MYO5A: variants seen among roughly 807,000 people sequenced by gnomAD.
MYO5A encodes the protein myosin VA.
MYO5A carries 98 observed loss-of-function variants against 249.7 expected under a neutral mutation model. The observed-to-expected ratio is 0.39, with a 90% CI of 0.33 to 0.46. The LOEUF (loss-of-function observed/expected upper bound fraction) is 0.46, where lower values mean the gene tolerates loss of function less well. MYO5A is among the 20% of genes least tolerant of loss of function. The probability of loss-of-function intolerance (pLI) is 0.98; values close to 1 mark genes in which losing one functional copy is unlikely to be tolerated. For synonymous variants in MYO5A, 778 were observed against 810.6 expected, an observed-to-expected ratio of 0.96 and a Z score of 0.68; for missense variants, 1,696 against 2,308.8, an observed-to-expected ratio of 0.73 and a Z score of 5.44.
chr15:52,354,093 A>G lies in MYO5A; in HGVS notation c.3424-79T>C, dbSNP rs1217255172. 36 of 1,541,714 alleles carry G rather than the reference A, an allele frequency of 2.3e-5. No individual in the cohort carries two copies. The Admixed American group carries it at 5.7e-4, about 25-fold the overall frequency. On this transcript the variant is annotated intron_variant, in intron 25 of 41. Transcript: ENST00000399233. ...CAATGAGAAAATGACAAACAGCTCA[A>G]TGGAAAAATAGGCAAACTTACAGAA...
At chr15:52,510,306 A>T (rs546775034) in intron 1 of MYO5A, among the ~76,000 whole-genome samples, 94 of 152,350 alleles carry the variant, frequency 6.2e-4, no homozygotes, top group African/African-American at 2.1e-3. Context: ...TTTTAAAATA[A>T]TTAATTTAGC....
At chr15:52,425,162 A>G (rs2075367019) in intron 4 of MYO5A, among the ~76,000 whole-genome samples, 1 of 152,152 alleles carries the variant, frequency 6.6e-6, no homozygotes, top group African/African-American at 2.4e-5. Context: ...TACAGCTCCT[A>G]GGCTTTTTAG....
intron 1 of MYO5A, among the ~76,000 whole-genome samples, chr15:52,501,078 T>C (rs1462314578): frequency 6.6e-6 from 1 of 151,886 alleles, no homozygotes; most frequent in Non-Finnish European, 1.5e-5. Context: ...CACGCCATTC[T>C]CCTGCCTCAG....
At chr15:52,396,107 T>C (rs965046101) in intron 11 of MYO5A, among the ~76,000 whole-genome samples, 1 of 152,196 alleles carries the variant, frequency 6.6e-6, no homozygotes, top group African/African-American at 2.4e-5. Context: ...TTTTCGTTAT[T>C]ATCAGACTGC....
chr15:52,431,017 A>C (rs1284943233), intron 2 of MYO5A, among the ~76,000 whole-genome samples: 1 of 151,582 alleles, frequency 6.6e-6, no homozygotes, highest in Non-Finnish European at 1.5e-5. Flanking sequence ...GGATCACTTG[A>C]GGTTGGGAGT....
At chr15:52,418,472 T>C (rs1252040573) in intron 4 of MYO5A, among the ~76,000 whole-genome samples, 1 of 152,102 alleles carries the variant, frequency 6.6e-6, no homozygotes, top group African/African-American at 2.4e-5. Flanking sequence ...AAGTAACTGC[T>C]ATAAAAAAGG....
intron 1 of MYO5A, among the ~76,000 whole-genome samples, chr15:52,455,084 AAAAG>A (rs2076092582): frequency 6.6e-6 from 1 of 151,986 alleles, no homozygotes; most frequent in Admixed American, 6.6e-5. Context: ...GGCTAAGATA[AAAAG>A]AGAGAAGACC....
At chr15:52,523,048 C>T (rs920072971) in intron 1 of MYO5A, among the ~76,000 whole-genome samples, 1 of 152,182 alleles carries the variant, frequency 6.6e-6, no homozygotes, top group African/African-American at 2.4e-5. Context: ...TAGTAGCATT[C>T]AAGTTCCACA....
At position 52,343,212 on chromosome 15, in the gene MYO5A, G is replaced by T. The variant is rs890129077; in HGVS notation, c.3960-15C>A. ...GAGCAGATGATCTTCCATGCAAAAG[G>T]AACAACAATGCAAAACACAAAAGGA... On this transcript the variant is annotated splice_polypyrimidine_tract_variant and intron_variant, in intron 30 of 41. Coordinates refer to ENST00000399233, the MANE Select transcript of MYO5A (RefSeq NM_001382347.1). 2.5e-6 allele frequency: 4 copies of T among 1,602,516 alleles called. No homozygotes were observed. The highest frequency in any genetic ancestry group is 3.4e-6 in the Non-Finnish European group (4 of 1,169,504).
chr15:52,344,856 G>A (rs994103228), intron 30 of MYO5A, among the ~76,000 whole-genome samples: 2 of 152,230 alleles, frequency 1.3e-5, no homozygotes, highest in Admixed American at 1.3e-4. Flanking sequence ...GTGGCACAAG[G>A]CCTGGCATGA....
chr15:52,462,847 G>GAATAAAAA (rs2076280628), intron 1 of MYO5A, among the ~76,000 whole-genome samples: 1 of 137,332 alleles, frequency 7.3e-6, no homozygotes. Context: ...ATCCGTCTTG[G>GAATAAAAA]AAAAAAAAAA....
At chr15:52,345,393 C>A (rs1033376874) in intron 30 of MYO5A, among the ~76,000 whole-genome samples, 1 of 151,922 alleles carries the variant, frequency 6.6e-6, no homozygotes, top group Non-Finnish European at 1.5e-5. Flanking sequence ...ACGACCCTGG[C>A]CAACATGGTG....
intron 1 of MYO5A, chr15:52,505,523 G>C: frequency 6.5e-7 from 1 of 1,545,122 alleles, no homozygotes; most frequent in Non-Finnish European, 8.9e-7. Context: ...GAGGAAGAAA[G>C]TGAAGAAGCA....
At chr15:52,391,477 T>C (rs558021215) in intron 12 of MYO5A, among the ~76,000 whole-genome samples, 75 of 152,310 alleles carry the variant, frequency 4.9e-4, no homozygotes, top group Admixed American at 1.6e-3. Context: ...AATGCTTTTT[T>C]CCAACATGGT....
At chr15:52,407,633 G>C (rs1346710245) in intron 7 of MYO5A, among the ~76,000 whole-genome samples, 1 of 151,586 alleles carries the variant, frequency 6.6e-6, no homozygotes, top group African/African-American at 2.4e-5. Context: ...AAAATAAATA[G>C]TCCTTTCCTA....
At chr15:52,444,938 A>G (rs2075856962) in intron 1 of MYO5A, among the ~76,000 whole-genome samples, 1 of 152,234 alleles carries the variant, frequency 6.6e-6, no homozygotes, top group African/African-American at 2.4e-5. Flanking sequence ...AATATGGATA[A>G]GGTGCCAAAA....
intron 1 of MYO5A, among the ~76,000 whole-genome samples, chr15:52,440,447 T>C (rs1364174777): frequency 6.6e-6 from 1 of 152,188 alleles, no homozygotes; most frequent in Non-Finnish European, 1.5e-5. Flanking sequence ...TTTATATTAT[T>C]AGTAGAGACG....
At chr15:52,367,587 T>C (rs1480870927) in intron 22 of MYO5A, among the ~76,000 whole-genome samples, 1 of 152,174 alleles carries the variant, frequency 6.6e-6, no homozygotes, top group African/African-American at 2.4e-5. Flanking sequence ...ACAAAGCTTA[T>C]GTGTACCCAT....
At position 52,360,058 on chromosome 15, in the gene MYO5A, C is replaced by A. The variant is rs2040440692; in HGVS notation, c.3333G>T (p.Lys1111Asn). 5 of 1,613,482 alleles carry A rather than the reference C, an allele frequency of 3.1e-6. No homozygotes were observed. The highest frequency in any genetic ancestry group is 4.2e-6 in the Non-Finnish European group (5 of 1,179,620). ...LMVHVPKPGH[K>N]RTDSTHSSNE... ...TGCTGCTGTGGGTGGAGTCTGTTCT[C>A]TTGTGTCCAGGCTTAGGCACATGCT... The change falls in exon 25 of 42, where the codon AAG (lysine) becomes AAT (asparagine). Residue 1111 changes from lysine to asparagine, a missense_variant. Physicochemically the swap from Lys to Asn is moderately conservative, Grantham distance 94. Coordinates refer to ENST00000399233, the MANE Select transcript of MYO5A (RefSeq NM_001382347.1).
Sources: gnomAD v4.1 joint callset for allele counts (sites outside exome capture counted in the v4.1 genomes callset) on GRCh38, gnomAD v4.1.1 for gene constraint, MANE v1.5 for transcripts, NCBI Gene and HGNC (gene_info 2026-07-23, HGNC 2026-07-21) for gene names.